Variants in BCL11B observed in about 807,000 individuals in gnomAD.
BCL11B encodes B-cell lymphoma/leukemia 11B.
A neutral mutation model predicts 49.9 loss-of-function variants in BCL11B; 8 were observed. The observed-to-expected ratio is 0.16, with a 90% CI of 0.09 to 0.29. BCL11B has a LOEUF of 0.29. BCL11B is among the 10% of genes least tolerant of loss of function. BCL11B has a pLI of 1.00. For synonymous variants in BCL11B, 739 were observed against 637.4 expected (o/e 1.16, Z -2.40); for missense variants, 1,006 against 1,351.0 (o/e 0.74, Z 4.00).
intron 1 of BCL11B, among the ~76,000 whole-genome samples, chr14:99,258,905 G>A (rs948464673): frequency 5.3e-5 from 8 of 149,534 alleles, no homozygotes; most frequent in Admixed American, 2.0e-4. Context: ...TTTTTTTTGT[G>A]GGGGAGAGAG....
intron 2 of BCL11B, among the ~76,000 whole-genome samples, chr14:99,233,577 C>G (rs1475255752): frequency 6.6e-6 from 1 of 152,152 alleles, no homozygotes; most frequent in African/African-American, 2.4e-5. Context: ...ACTGAGAAAC[C>G]AGCAGAAGCA....
At chr14:99,234,121 C>A (rs1291666823) in intron 2 of BCL11B, among the ~76,000 whole-genome samples, 4 of 151,950 alleles carry the variant, frequency 2.6e-5, no homozygotes, top group African/African-American at 9.7e-5. Flanking sequence ...AATCCACGGA[C>A]ACAGAAAGTA....
rs1389569624 is a variant in BCL11B at position 99,192,267 on chromosome 14, G to A, written c.641-16072C>T. Among the ~76,000 whole-genome samples the A allele has an allele frequency of 1.3e-5, 2 of 152,064 alleles. No individual in the cohort carries two copies. The highest frequency in any genetic ancestry group is 2.4e-5 in the African/African-American group (1 of 41,382). On this transcript the variant is annotated intron_variant, in intron 3 of 3. Transcript: ENST00000357195. This position sits in a 1 kb window ranked among gnomAD's most constrained non-coding sequence, Gnocchi z 4.0. Reference sequence around the variant, plus strand: ...AGCGCACACGGTGAACCTGGCTCTCGCATACAGTAGCACTTTCATTTTAAG... The same window carrying A: ...AGCGCACACGGTGAACCTGGCTCTCACATACAGTAGCACTTTCATTTTAAG...
At chr14:99,254,466 C>T (rs1318233099) in intron 2 of BCL11B, among the ~76,000 whole-genome samples, 3 of 152,176 alleles carry the variant, frequency 2.0e-5, no homozygotes, top group African/African-American at 4.8e-5. Context: ...CAAGGAAGAG[C>T]GGGGACCTGC....
intron 2 of BCL11B, among the ~76,000 whole-genome samples, chr14:99,236,129 C>T (rs778540122): frequency 3.3e-5 from 5 of 151,952 alleles, no homozygotes; most frequent in Non-Finnish European, 4.4e-5. Context: ...AGAACAAGCA[C>T]GCAGAAATAT....
chr14:99,183,625 C>T (rs946258283), intron 3 of BCL11B, among the ~76,000 whole-genome samples: 3 of 152,082 alleles, frequency 2.0e-5, no homozygotes, highest in Non-Finnish European at 4.4e-5. Context: ...CTGGGTCGTT[C>T]GCTGTAGGAT....
In BCL11B at chr14:99,175,576, CG is replaced by C; in HGVS notation, c.1259del (p.Pro420ArgfsTer55). ...PPMPPGGTPPPQPPAKSKSCE... is the reference protein window; with the variant it reads ...PPMPPGGTPPXQPPAKSKSCE... The stretch of plus-strand genomic sequence containing the variant: ...ACGACTTGCTCTTGGCTGGCGGCTG[CG>C]GGGGCGGCGTGCCGCCAGGGGGCAT... On this transcript the variant is annotated frameshift_variant, in exon 4 of 4. Transcript: ENST00000357195. LOFTEE classifies it high-confidence loss of function. The C allele has an allele frequency of 6.3e-7, 1 of 1,584,258 alleles. No individual in the cohort carries two copies. Among genetic ancestry groups the C allele is most frequent in the Non-Finnish European group, 8.6e-7 (1 of 1,166,584 alleles).
intron 3 of BCL11B, among the ~76,000 whole-genome samples, chr14:99,186,648 G>A (rs1017194593): frequency 7.2e-5 from 11 of 152,212 alleles, no homozygotes; most frequent in South Asian, 2.1e-4. Flanking sequence ...TGAAAAGGGA[G>A]AGGTTCAGAA....
chr14:99,240,810 G>A (rs945084418), intron 2 of BCL11B, among the ~76,000 whole-genome samples: 19 of 152,280 alleles, frequency 1.2e-4, no homozygotes, highest in Admixed American at 2.0e-4. Flanking sequence ...GCACATTAAC[G>A]CTAGGAATAT....
intron 3 of BCL11B, among the ~76,000 whole-genome samples, chr14:99,208,489 C>T (rs184310505): frequency 5.3e-5 from 8 of 152,284 alleles, no homozygotes; most frequent in African/African-American, 1.2e-4. Context: ...CTAGCTTTCC[C>T]GAGGTCTCCT....
chr14:99,182,435 G>T (rs1460571974), intron 3 of BCL11B, among the ~76,000 whole-genome samples: 1 of 152,152 alleles, frequency 6.6e-6, no homozygotes, highest in Non-Finnish European at 1.5e-5. Context: ...CTCCGGGCAG[G>T]GATGGGGCTA....
At chr14:99,252,081 G>A (rs2139940977) in intron 2 of BCL11B, among the ~76,000 whole-genome samples, 1 of 152,246 alleles carries the variant, frequency 6.6e-6, no homozygotes, top group South Asian at 2.1e-4. Flanking sequence ...CCACCCACCA[G>A]CCCAGCCCAA....
intron 1 of BCL11B, among the ~76,000 whole-genome samples, chr14:99,270,942 G>A (rs577900066): frequency 6.6e-6 from 1 of 151,432 alleles, no homozygotes; most frequent in South Asian, 2.1e-4. Flanking sequence ...CGAGCCCGAG[G>A]CGCGTCCGGC....
Position 99,175,242 on chromosome 14 carries a change from C to T in BCL11B, c.1594G>A (p.Glu532Lys). 6.5e-7 allele frequency: 1 copy of T among 1,547,324 alleles called. No individual in the cohort carries two copies. The change falls in exon 4 of 4, where the codon GAG becomes AAG. Residue 532 changes from glutamate to lysine, a missense_variant. Coordinates refer to ENST00000357195, the MANE Select transcript of BCL11B (RefSeq NM_138576.4). ...SDPSLGHEPE[E>K]EDEEEEEEEE... ...TCCTCCTCCTCCTCCTCGTCCTCCT[C>T]CTCCGGCTCGTGGCCCAGCGACGGG... is the stretch of plus-strand genomic sequence containing the variant.
At chr14:99,246,670 G>A (rs1243741765) in intron 2 of BCL11B, among the ~76,000 whole-genome samples, 5 of 152,304 alleles carry the variant, frequency 3.3e-5, no homozygotes, top group Non-Finnish European at 7.4e-5. Context: ...CTCCTGTGTG[G>A]CAATGAAGGG....
chr14:99,222,471 A>G (rs1016758516), intron 3 of BCL11B, among the ~76,000 whole-genome samples: 1 of 152,190 alleles, frequency 6.6e-6, no homozygotes, highest in Non-Finnish European at 1.5e-5. Context: ...AGCCTGGTCG[A>G]GGAAATCGAC....
intron 3 of BCL11B, among the ~76,000 whole-genome samples, chr14:99,216,106 CCAG>C (rs1429075104): frequency 1.3e-5 from 2 of 152,216 alleles, no homozygotes; most frequent in Non-Finnish European, 2.9e-5. Flanking sequence ...CTTTCACAGG[CCAG>C]CTGCTGCTTA....
In BCL11B at chr14:99,170,987, A is replaced by G. The variant is rs1886271379; in HGVS notation, c.*3164T>C. 4.3e-6 allele frequency: 1 copy of G among 232,512 alleles called. No homozygotes were observed. Among genetic ancestry groups the G allele is most frequent in the African/African-American group, 2.2e-5 (1 of 45,298 alleles). 14.4% of individuals were successfully genotyped at this position (232,512 alleles called of 1,614,324 possible). A position where few individuals can be genotyped will look rare whatever the true frequency, so the allele number is the denominator to read the frequency against. ...ACCGCCACAGGAGTGATGGTAGAGAAGGAAGATGTTCTCTCGCTCTCTCTC... is the reference window on the plus strand; with the variant it reads ...ACCGCCACAGGAGTGATGGTAGAGAGGGAAGATGTTCTCTCGCTCTCTCTC... On this transcript the variant is annotated 3_prime_UTR_variant, in exon 4 of 4. Transcript: ENST00000357195.
At chr14:99,206,890 G>C (rs1887547192) in intron 3 of BCL11B, among the ~76,000 whole-genome samples, 1 of 152,142 alleles carries the variant, frequency 6.6e-6, no homozygotes, top group Admixed American at 6.6e-5. Context: ...TACTATAGTT[G>C]CAAGAGAGAC....
Sources: allele counts gnomAD v4.1 joint callset (sites outside exome capture counted in the v4.1 genomes callset), GRCh38; gene constraint gnomAD v4.1.1; non-coding constraint Gnocchi (gnomAD v3.1); transcripts MANE v1.5; gene names NCBI Gene and HGNC (gene_info 2026-07-23, HGNC 2026-07-21).